Variants in TMEM45A observed in about 807,000 individuals in gnomAD.
The protein encoded by TMEM45A is DNA polymerase-transactivated protein 4.
In TMEM45A, 25 loss-of-function variants were observed where a neutral mutation model predicts 32.0. The ratio of observed to expected loss-of-function variants is 0.78; its 90% confidence interval spans 0.57 to 1.09. The LOEUF (loss-of-function observed/expected upper bound fraction) is 1.09. TMEM45A is among the 50% of genes least tolerant of loss of function. The pLI, the probability that TMEM45A is intolerant of heterozygous loss-of-function variation, is 0.00. For missense variants in TMEM45A, 302 were observed against 325.0 expected (o/e 0.93, Z 0.54); for synonymous variants, 122 against 114.8 (o/e 1.06, Z -0.40).
At chr3:100,519,746 G>A in intron 1 of TMEM45A, 2 of 828,810 alleles carry the variant, frequency 2.4e-6, no homozygotes, top group Non-Finnish European at 3.9e-6. Context: ...TGTGGGTTGT[G>A]GCTGATCAAG....
chr3:100,512,788 G>A (rs1307830626), intron 1 of TMEM45A, among the ~76,000 whole-genome samples: 1 of 150,732 alleles, frequency 6.6e-6, no homozygotes, highest in Non-Finnish European at 1.5e-5. Flanking sequence ...AATGATAAAG[G>A]GGATATCACC....
chr3:100,553,882 C>T (rs535091553), intron 1 of TMEM45A, among the ~76,000 whole-genome samples: 84 of 152,232 alleles, frequency 5.5e-4, no homozygotes, highest in Non-Finnish European at 5.0e-4. Context: ...ATATAAGAGA[C>T]TTTTAGTGTT....
Position 100,561,672 on chromosome 3 carries a change from G to C in TMEM45A, c.588+3083G>C, listed in dbSNP as rs185224282. Among the ~76,000 whole-genome samples the C allele has an allele frequency of 3.3e-5, 5 of 152,292 alleles. No individual in the cohort carries two copies. The East Asian group carries it at 9.6e-4, about 29-fold the overall frequency. ...GTTTTCCCTGTGTCTCTGTGTGGGA[G>C]AATATTTCAAAAGCTCCCTTTGCAA... On this transcript the variant is annotated intron_variant, in intron 4 of 5. Coordinates refer to ENST00000323523, the MANE Select transcript of TMEM45A (RefSeq NM_018004.3).
intron 1 of TMEM45A, among the ~76,000 whole-genome samples, chr3:100,554,983 C>T (rs1441483294): frequency 6.6e-6 from 1 of 152,132 alleles, no homozygotes; most frequent in African/African-American, 2.4e-5. Context: ...GTGCAGAGTA[C>T]ATGGTAAGTA....
At position 100,568,907 on chromosome 3, in the gene TMEM45A, T is replaced by G; in HGVS notation, c.674T>G (p.Phe225Cys). 1 of 1,613,956 alleles carries G rather than the reference T, an allele frequency of 6.2e-7. No homozygotes were observed. Among genetic ancestry groups the G allele is most frequent in the South Asian group, 1.1e-5 (1 of 91,068 alleles). Residue 225 changes from phenylalanine (F) to cysteine (C), a missense_variant, in exon 5 of 6, where the codon TTT (phenylalanine) becomes TGT (cysteine). Coordinates refer to ENST00000323523, the MANE Select transcript of TMEM45A (RefSeq NM_018004.3). ...HENILFLTIC[F>C]CWHYAVTIVI... ...AATATTTTGTTTCTCACCATATGCT[T>G]TTGTTGGCATTATGCAGTAACCATT...
chr3:100,554,363 A>G (rs551614803), intron 1 of TMEM45A, among the ~76,000 whole-genome samples: 2 of 152,318 alleles, frequency 1.3e-5, no homozygotes, highest in African/African-American at 4.8e-5. Context: ...ACAATAAGGG[A>G]TTGTTTCTTA....
At chr3:100,499,064 G>A (rs1022070495) in intron 1 of TMEM45A, among the ~76,000 whole-genome samples, 1 of 151,722 alleles carries the variant, frequency 6.6e-6, no homozygotes, top group African/African-American at 2.4e-5. Context: ...TTCGTGTGTT[G>A]TAGAAGTTCT....
rs73860686 is a variant in TMEM45A, at chr3:100,527,903, C to T, written c.-3-27306C>T. Among the ~76,000 whole-genome samples the T allele has an allele frequency of 7.4e-3, 1,122 of 152,212 alleles. 17 individuals are homozygous for T. The highest frequency in any genetic ancestry group is 0.026 in the African/African-American group (1,070 of 41,524). The stretch of plus-strand genomic sequence containing the variant: ...TCACAACCAAGACAACTCAGGACAC[C>T]AGATAAGACTGGTGTTGCTTGAGAA... On this transcript the variant is annotated intron_variant, in intron 1 of 5. Coordinates refer to ENST00000323523, the MANE Select transcript of TMEM45A (RefSeq NM_018004.3).
At chr3:100,544,747 T>C (rs747836842) in intron 1 of TMEM45A, among the ~76,000 whole-genome samples, 7 of 152,216 alleles carry the variant, frequency 4.6e-5, no homozygotes, top group Non-Finnish European at 1.0e-4. Flanking sequence ...CATTCACATG[T>C]CAATGGGTTA....
intron 1 of TMEM45A, among the ~76,000 whole-genome samples, chr3:100,528,453 A>G (rs1047114772): frequency 2.0e-5 from 3 of 152,176 alleles, no homozygotes; most frequent in African/African-American, 7.2e-5. Flanking sequence ...TGAGGGCAGA[A>G]TCGAAGGTGG....
At chr3:100,553,292 A>G (rs11923237) in intron 1 of TMEM45A, among the ~76,000 whole-genome samples, 8,897 of 152,136 alleles carry the variant, frequency 0.058, 897 homozygotes, top group African/African-American at 0.2. Context: ...CCTTCCCCTA[A>G]TTTTTAATCC....
At chr3:100,549,157 G>T (rs1260255552) in intron 1 of TMEM45A, among the ~76,000 whole-genome samples, 2 of 151,860 alleles carry the variant, frequency 1.3e-5, no homozygotes, top group Non-Finnish European at 2.9e-5. Context: ...TGAGGCAGGA[G>T]AATCACTTCA....
intron 1 of TMEM45A, among the ~76,000 whole-genome samples, chr3:100,513,705 A>G (rs1202122392): frequency 6.6e-5 from 10 of 152,182 alleles, no homozygotes; most frequent in South Asian, 2.1e-4. Context: ...TGCAGATGAC[A>G]TGATTGTATA....
intron 5 of TMEM45A, chr3:100,574,718 T>G (rs1322819051): frequency 6.6e-6 from 1 of 152,130 alleles, no homozygotes; most frequent in African/African-American, 2.4e-5. Context: ...TTTCCATATT[T>G]CCCACACCTC....
At chr3:100,564,258 T>C (rs1376105416) in intron 4 of TMEM45A, among the ~76,000 whole-genome samples, 4 of 152,104 alleles carry the variant, frequency 2.6e-5, no homozygotes, top group Non-Finnish European at 5.9e-5. Flanking sequence ...AGGACAAAAA[T>C]AGAAAACCTT....
chr3:100,563,790 G>A (rs192744203), intron 4 of TMEM45A, among the ~76,000 whole-genome samples: 243 of 152,252 alleles, frequency 1.6e-3, no homozygotes, highest in African/African-American at 5.3e-3. Context: ...GGCTCCCACA[G>A]TGAGCTTTCC....
intron 5 of TMEM45A, chr3:100,572,158 C>G (rs1396979513): frequency 6.6e-6 from 1 of 152,084 alleles, no homozygotes; most frequent in Non-Finnish European, 1.5e-5. Context: ...AGTTCTAGAT[C>G]CCTGAGGAAT....
At chr3:100,554,144 C>G (rs1269160205) in intron 1 of TMEM45A, among the ~76,000 whole-genome samples, 1 of 151,668 alleles carries the variant, frequency 6.6e-6, no homozygotes, top group Non-Finnish European at 1.5e-5. Context: ...CAACAAAGGG[C>G]TACTCACGTA....
intron 1 of TMEM45A, among the ~76,000 whole-genome samples, chr3:100,513,262 A>G (rs1025181353): frequency 2.6e-5 from 4 of 152,128 alleles, no homozygotes; most frequent in Non-Finnish European, 4.4e-5. Context: ...CAGCACATCT[A>G]AAAGCTTATC....
Sources: gnomAD v4.1 joint callset for allele counts (sites outside exome capture counted in the v4.1 genomes callset) on GRCh38, gnomAD v4.1.1 for gene constraint, MANE v1.5 for transcripts, NCBI Gene and HGNC (gene_info 2026-07-23, HGNC 2026-07-21) for gene names.